Variants in CYS1 observed in about 807,000 individuals in gnomAD.
CYS1 encodes cystin 1, also known as cystin-1.
Under a neutral mutation model 9.6 loss-of-function variants are expected in CYS1, and 5 were observed. The observed-to-expected ratio is 0.52, with a 90% CI of 0.27 to 1.10. The LOEUF (loss-of-function observed/expected upper bound fraction) is 1.10. Ranked by LOEUF, CYS1 falls within the 50% of genes least tolerant of loss-of-function variation. CYS1 has a pLI of 0.11. For synonymous variants in CYS1, 88 were observed against 95.7 expected (o/e 0.92, Z 0.47); for missense variants, 221 against 207.9 (o/e 1.06, Z -0.39).
intron 1 of CYS1, among the ~76,000 whole-genome samples, chr2:10,071,254 A>G (rs1034161437): frequency 1.3e-5 from 2 of 152,194 alleles, no homozygotes; most frequent in Non-Finnish European, 2.9e-5. Flanking sequence ...GGCGTGAGCC[A>G]CCGTGCCCGG....
At chr2:10,069,229 A>AT (rs200379768) in intron 1 of CYS1, among the ~76,000 whole-genome samples, 2,030 of 152,330 alleles carry the variant, frequency 0.013, 19 homozygotes, top group Non-Finnish European at 0.019. Context: ...AGGGAAAGCT[A>AT]TTTTGAACTC....
rs1661563239 is a variant in CYS1, at chr2:10,057,280, G to A, written c.*1573C>T. 6.6e-6 allele frequency: 1 copy of A among 152,270 alleles called. No homozygotes were observed. Among genetic ancestry groups the A allele is most frequent in the Admixed American group, 6.5e-5 (1 of 15,280 alleles). The allele number at this position is 152,270 out of a possible 1,614,324, so 9.4% of individuals were successfully genotyped here. A position where few individuals can be genotyped will look rare whatever the true frequency, so the allele number is the denominator to read the frequency against. ...GGGCTTGCATAAGCAATGGCTCCCA[G>A]CTCTGGGGAGGGTTTGAGCCACGCC... On this transcript the variant is annotated 3_prime_UTR_variant, in exon 3 of 3. Coordinates refer to ENST00000381813, the MANE Select transcript of CYS1 (RefSeq NM_001037160.3).
In CYS1 at chr2:10,058,870, G is replaced by C. The variant is rs143968577; in HGVS notation, c.460C>G (p.Arg154Gly). 1,363 of 1,584,514 alleles carry C rather than the reference G, an allele frequency of 8.6e-4. 11 individuals carry two copies. The African/African-American group carries it at 0.017, about 19-fold the overall frequency. ...TGCTGTCCTCAGCGGCAGTACTCCC[G>C]CTCGATGCTCGCCATCAGCCCCTCT... ...SEEGLMASIEREYCR is the reference protein window; with the variant it reads ...SEEGLMASIEGEYCR Residue 154 changes from arginine to glycine, a missense_variant, in exon 3 of 3, where the codon CGG (arginine) becomes GGG (glycine). Physicochemically the swap from Arg to Gly is moderately radical, Grantham distance 125. Transcript: ENST00000381813.
chr2:10,060,788 C>T (rs1661616491), intron 2 of CYS1, among the ~76,000 whole-genome samples: 1 of 152,250 alleles, frequency 6.6e-6, no homozygotes, highest in South Asian at 2.1e-4. Context: ...ATGTACCAGG[C>T]CTCACGCCCC....
chr2:10,060,769 G>A (rs548540194), intron 2 of CYS1, among the ~76,000 whole-genome samples: 8 of 152,364 alleles, frequency 5.3e-5, no homozygotes, highest in African/African-American at 1.7e-4. Flanking sequence ...GTGTGGCTGT[G>A]GGCAAGGCAT....
Position 10,076,829 on chromosome 2 carries a change from T to C in CYS1, c.318+3077A>G, listed in dbSNP as rs1024467166. 6.6e-6 allele frequency among the ~76,000 whole-genome samples: 1 copy of C among 152,192 alleles called. No homozygotes were observed. The highest frequency in any genetic ancestry group is 1.5e-5 in the Non-Finnish European group (1 of 68,036). ...TCACTGGTGATCCCATCTAATCTCA[T>C]GGGTTTAAATCCTCCCATGTTCTAA... is the stretch of plus-strand genomic sequence containing the variant. On this transcript the variant is annotated intron_variant, in intron 1 of 2. Coordinates refer to ENST00000381813, the MANE Select transcript of CYS1 (RefSeq NM_001037160.3). This position sits in a 1 kb window ranked among gnomAD's most constrained non-coding sequence, Gnocchi z 4.3.
Position 10,058,716 on chromosome 2 carries a change from T to C in CYS1, c.*137A>G. ...AGGTCAGCGCGGTCTGAAAGTGGAT[T>C]TGAAAGGGCAGCTTTGAATATCCGG... On this transcript the variant is annotated 3_prime_UTR_variant, in exon 3 of 3. Coordinates refer to ENST00000381813, the MANE Select transcript of CYS1 (RefSeq NM_001037160.3). 1.4e-6 allele frequency: 1 copy of C among 736,816 alleles called. No homozygotes were observed. Among genetic ancestry groups the C allele is most frequent in the Non-Finnish European group, 2.1e-6 (1 of 469,400 alleles). The allele number at this position is 736,816 out of a possible 1,614,324, so 45.6% of individuals were successfully genotyped here.
intron 2 of CYS1, among the ~76,000 whole-genome samples, chr2:10,061,780 TG>T (rs1394854969): frequency 6.6e-6 from 1 of 152,148 alleles, no homozygotes; most frequent in Non-Finnish European, 1.5e-5. Flanking sequence ...CCTGTCTGCC[TG>T]GCAACACTCC....
rs1383893310 is a variant in CYS1 at position 10,076,768 on chromosome 2, C to T, written c.318+3138G>A. 6.6e-6 allele frequency among the ~76,000 whole-genome samples: 1 copy of T among 152,186 alleles called. No individual in the cohort carries two copies. The highest frequency in any genetic ancestry group is 1.5e-5 in the Non-Finnish European group (1 of 68,044). On this transcript the variant is annotated intron_variant, in intron 1 of 2. Coordinates refer to ENST00000381813, the MANE Select transcript of CYS1 (RefSeq NM_001037160.3). This position sits in a 1 kb window ranked among gnomAD's most constrained non-coding sequence, Gnocchi z 4.3. The stretch of plus-strand genomic sequence containing the variant: ...AAGCTCCCAGGACAGAGCCCGGTGC[C>T]CATCCATGCTTCCTAAGCACACGCT...
In CYS1 at chr2:10,058,088, G is replaced by A. The variant is rs1281668211; in HGVS notation, c.*765C>T. The A allele has an allele frequency of 6.6e-6, 1 of 152,318 alleles. No individual in the cohort carries two copies. The highest frequency in any genetic ancestry group is 1.9e-4 in the East Asian group (1 of 5,192). The allele number at this position is 152,318 out of a possible 1,614,324, so 9.4% of individuals were successfully genotyped here. On this transcript the variant is annotated 3_prime_UTR_variant, in exon 3 of 3. Transcript: ENST00000381813. ...CAGGGAAGGCACTGCTGTGCCTGGG[G>A]CAGGGGACCAGCAGTGGCAGCAGTT...
At position 10,063,777 on chromosome 2, in the gene CYS1, TACAGGGCAGATGCTG is replaced by T. The variant is rs1417573104; in HGVS notation, c.371+2112_371+2126del. 8.5e-5 allele frequency among the ~76,000 whole-genome samples: 13 copies of T among 152,098 alleles called. No homozygotes were observed. The highest frequency in any genetic ancestry group is 3.1e-4 in the African/African-American group (13 of 41,414). ...CGTGGGCAGCGAGAAGCACAGTGGG[TACAGGGCAGATGCTG>T]CCAGCCCTGACCCTGGGGCAGGACT... On this transcript the variant is annotated intron_variant, in intron 2 of 2. Coordinates refer to ENST00000381813, the MANE Select transcript of CYS1 (RefSeq NM_001037160.3). This position sits in a 1 kb window ranked among gnomAD's most constrained non-coding sequence, Gnocchi z 4.2.
intron 1 of CYS1, among the ~76,000 whole-genome samples, chr2:10,078,853 T>C (rs1419052407): frequency 6.6e-6 from 1 of 152,166 alleles, no homozygotes; most frequent in Non-Finnish European, 1.5e-5. Context: ...TATCAGCAAA[T>C]CAGAGGGCAC....
In CYS1 at chr2:10,069,618, C is replaced by T. The variant is rs560667989; in HGVS notation, c.319-3662G>A. 2.0e-5 allele frequency among the ~76,000 whole-genome samples: 3 copies of T among 152,298 alleles called. No homozygotes were observed. In the South Asian group the frequency reaches 6.2e-4, roughly 32 times the overall value. Reference sequence around the variant, plus strand: ...TCTTGACCTCATGATCCACCTGCCTCAGCCTCCCAAGATGCTGGGATAACA... The same window carrying T: ...TCTTGACCTCATGATCCACCTGCCTTAGCCTCCCAAGATGCTGGGATAACA... On this transcript the variant is annotated intron_variant, in intron 1 of 2. Transcript: ENST00000381813.
rs1661652813 is a variant in CYS1, at chr2:10,063,319, C to T, written c.371+2585G>A. Among the ~76,000 whole-genome samples the T allele has an allele frequency of 6.6e-6, 1 of 151,972 alleles. No homozygotes were observed. Among genetic ancestry groups the T allele is most frequent in the Admixed American group, 6.6e-5 (1 of 15,256 alleles). ...ATGTGGGAGGGGCTGGGAAGTTGCA[C>T]CATGCGGGAGGAGGGACACTAGTTT... is the stretch of plus-strand genomic sequence containing the variant. On this transcript the variant is annotated intron_variant, in intron 2 of 2. Coordinates refer to ENST00000381813, the MANE Select transcript of CYS1 (RefSeq NM_001037160.3). The surrounding 1 kb of genome is among the most constrained non-coding windows in gnomAD (Gnocchi z 4.2).
At chr2:10,071,115 G>A (rs747886732) in intron 1 of CYS1, among the ~76,000 whole-genome samples, 25 of 152,166 alleles carry the variant, frequency 1.6e-4, no homozygotes, top group Non-Finnish European at 1.9e-4. Context: ...ACAGGTGCCC[G>A]CCACCACGCC....
intron 1 of CYS1, among the ~76,000 whole-genome samples, chr2:10,077,128 T>G (rs1168543320): frequency 6.6e-6 from 1 of 151,998 alleles, no homozygotes; most frequent in Non-Finnish European, 1.5e-5. Context: ...ACCCCACTAG[T>G]GAGTCCATAA....
chr2:10,066,707 G>A (rs1661701629), intron 1 of CYS1, among the ~76,000 whole-genome samples: 1 of 152,232 alleles, frequency 6.6e-6, no homozygotes, highest in African/African-American at 2.4e-5. Context: ...TACAGGTGCT[G>A]CTCAGCTTAC....
chr2:10,065,501 C>T (rs984772363), intron 2 of CYS1, among the ~76,000 whole-genome samples: 5 of 152,218 alleles, frequency 3.3e-5, no homozygotes, highest in African/African-American at 7.2e-5. Context: ...TCCCTGGTAA[C>T]GTGCTGTGGA....
intron 2 of CYS1, among the ~76,000 whole-genome samples, 175 bp downstream of exon 2, chr2:10,065,729 A>G (rs1661686270): frequency 6.6e-6 from 1 of 152,196 alleles, no homozygotes; most frequent in Non-Finnish European, 1.5e-5. Context: ...GCCTTCTGCA[A>G]TCTCCTTGGC....
Sources: gnomAD v4.1 joint callset for allele counts (sites outside exome capture counted in the v4.1 genomes callset) on GRCh38, gnomAD v4.1.1 for gene constraint, Gnocchi (gnomAD v3.1) non-coding constraint, MANE v1.5 for transcripts, NCBI Gene and HGNC (gene_info 2026-07-23, HGNC 2026-07-21) for gene names.